Variants in CLASP2 observed in about 807,000 individuals in gnomAD.
CLASP2 encodes the protein cytoplasmic linker associated protein 2.
CLASP2 carries 47 observed loss-of-function variants against 194.4 expected under a neutral mutation model. The ratio of observed to expected loss-of-function variants is 0.24; its 90% confidence interval spans 0.19 to 0.31. CLASP2 has a LOEUF of 0.31. Ranked by LOEUF, CLASP2 falls within the 10% of genes least tolerant of loss-of-function variation. CLASP2 has a pLI of 1.00. For synonymous variants in CLASP2, 619 were observed against 633.5 expected (o/e 0.98, Z 0.34); for missense variants, 1,445 against 1,823.6 (o/e 0.79, Z 3.78).
At chr3:33,615,357 A>G (rs2075935413) in intron 12 of CLASP2, among the ~76,000 whole-genome samples, 1 of 150,792 alleles carries the variant, frequency 6.6e-6, no homozygotes. Context: ...ATTCTTGACA[A>G]TAAGGAACTT....
intron 8 of CLASP2, among the ~76,000 whole-genome samples, chr3:33,634,634 TAAC>T (rs536768882): frequency 5.5e-4 from 84 of 152,302 alleles, no homozygotes; most frequent in Admixed American, 1.2e-3. Context: ...TGACTACAGT[TAAC>T]AACAATGCAT....
intron 12 of CLASP2, 39 bp downstream of exon 12, chr3:33,619,564 G>T (rs748226728): frequency 6.7e-7 from 1 of 1,484,330 alleles, no homozygotes; most frequent in Non-Finnish European, 9.0e-7. Flanking sequence ...CAAAAGTGGG[G>T]GGAGGAGGCA....
intron 24 of CLASP2, chr3:33,574,620 G>C: frequency 1.9e-6 from 1 of 534,154 alleles, no homozygotes; most frequent in Non-Finnish European, 3.2e-6. Flanking sequence ...TTCACACATA[G>C]GTACAAAGAA....
At position 33,652,329 on chromosome 3, in the gene CLASP2, T is replaced by TA. The variant is rs560288659; in HGVS notation, c.716-7427dup. Among the ~76,000 whole-genome samples the TA allele has an allele frequency of 1.3e-3, 191 of 152,342 alleles. 1 individual carries two copies. Among genetic ancestry groups the TA allele is most frequent in the African/African-American group, 4.0e-3 (167 of 41,576 alleles). On this transcript the variant is annotated intron_variant, in intron 7 of 38. Transcript: ENST00000682230. The stretch of plus-strand genomic sequence containing the variant: ...GCATATCCAGCAGTGACTATGGTTA[T>TA]ATCTAACAGCTAAATTACAAACTGA...
At chr3:33,655,337 T>TA (rs1248724822) in intron 7 of CLASP2, among the ~76,000 whole-genome samples, 1 of 152,146 alleles carries the variant, frequency 6.6e-6, no homozygotes, top group Non-Finnish European at 1.5e-5. Flanking sequence ...TATTCAAAGG[T>TA]ACAGTATATT....
rs1260471098 is a variant in CLASP2 at position 33,622,215 on chromosome 3, T to C, written c.1101A>G (p.Leu367=). ...AAQYDCFFQH[L]RLLDGALKLS... is the part of the protein sequence containing the mutation. Reference sequence around the variant, plus strand: ...GTTTAAGTGCTCCATCCAACAATCGTAAATGTTGAAAAAAGCAATCATACT... The same window carrying C: ...GTTTAAGTGCTCCATCCAACAATCGCAAATGTTGAAAAAAGCAATCATACT... The change falls in exon 11 of 39, where the codon TTA becomes TTG. Residue 367 remains leucine (L), a synonymous_variant. Coordinates refer to ENST00000682230, the MANE Select transcript of CLASP2 (RefSeq NM_001365631.1). 1.2e-6 allele frequency: 2 copies of C among 1,603,832 alleles called. No homozygotes were observed. The highest frequency in any genetic ancestry group is 3.4e-5 in the Admixed American group (2 of 58,486).
intron 28 of CLASP2, among the ~76,000 whole-genome samples, chr3:33,559,678 C>T (rs982318140): frequency 3.9e-5 from 6 of 152,030 alleles, no homozygotes; most frequent in African/African-American, 1.4e-4. Flanking sequence ...GCGGATCACC[C>T]GAGGTCAGGA....
intron 35 of CLASP2, among the ~76,000 whole-genome samples, chr3:33,516,437 G>A (rs1313909499): frequency 1.3e-5 from 2 of 152,212 alleles, no homozygotes; most frequent in Admixed American, 6.5e-5. Context: ...GAAGGCTGAG[G>A]TGGGTGGATC....
rs1208644651 is a variant in CLASP2 at position 33,544,414 on chromosome 3, TGG to T, written c.3297+282_3297+283del. 3.3e-5 allele frequency among the ~76,000 whole-genome samples: 5 copies of T among 152,212 alleles called. No individual in the cohort carries two copies. In the East Asian group the frequency reaches 9.6e-4, roughly 29 times the overall value. ...TGTCCTGATTCTAATGGCTTCCAGC[TGG>T]TGCTCTCATCTATGTTTTGCTCACG... On this transcript the variant is annotated intron_variant, in intron 31 of 38. Transcript: ENST00000682230.
chr3:33,661,671 T>C (rs1289641282), intron 7 of CLASP2, among the ~76,000 whole-genome samples: 1 of 152,268 alleles, frequency 6.6e-6, no homozygotes, highest in East Asian at 1.9e-4. Flanking sequence ...AAATGCCTAT[T>C]AGGCAGCCAA....
chr3:33,507,194 C>T (rs1459368769), intron 37 of CLASP2, among the ~76,000 whole-genome samples: 1 of 152,198 alleles, frequency 6.6e-6, no homozygotes, highest in African/African-American at 2.4e-5. Context: ...GCCTCAGCTT[C>T]CCAGAGTGCT....
At chr3:33,504,524 G>A (rs2047618731) in intron 37 of CLASP2, 1 of 152,192 alleles carries the variant, frequency 6.6e-6, no homozygotes, top group African/African-American at 2.4e-5. Context: ...TAGCTAGGCT[G>A]CCTACAATTC....
chr3:33,595,039 C>T (rs553906506), intron 19 of CLASP2, 71 bp from the exon 20 acceptor site: 2 of 870,626 alleles, frequency 2.3e-6, no homozygotes, highest in Non-Finnish European at 3.3e-6. Flanking sequence ...ACCTCACAGT[C>T]CCCACCCAAC....
chr3:33,649,286 A>T (rs1486803362), intron 7 of CLASP2, among the ~76,000 whole-genome samples: 3 of 152,070 alleles, frequency 2.0e-5, no homozygotes, highest in African/African-American at 7.2e-5. Context: ...TGCCTGTGTT[A>T]TTTTTTCCTA....
In CLASP2 at chr3:33,568,995, T is replaced by C. The variant is rs771316155; in HGVS notation, c.2763+1732A>G. On this transcript the variant is annotated intron_variant, in intron 26 of 38. Transcript: ENST00000682230. ...GACAGAGTCTCTGATGGACAATCAATGGCCACACAAAAATCAGAAAATCTT... is the reference window on the plus strand; with the variant it reads ...GACAGAGTCTCTGATGGACAATCAACGGCCACACAAAAATCAGAAAATCTT... 2.3e-4 allele frequency among the ~76,000 whole-genome samples: 35 copies of C among 152,326 alleles called. No individual in the cohort carries two copies. In the South Asian group the frequency reaches 6.0e-3, roughly 26 times the overall value.
chr3:33,567,698 GATTAATA>G (rs1195217385), intron 26 of CLASP2, among the ~76,000 whole-genome samples: 1 of 152,190 alleles, frequency 6.6e-6, no homozygotes, highest in Non-Finnish European at 1.5e-5. Context: ...CTGTTTTACA[GATTAATA>G]ATTAATAATT....
intron 30 of CLASP2, among the ~76,000 whole-genome samples, chr3:33,547,631 A>G (rs2154153735): frequency 6.6e-6 from 1 of 152,258 alleles, no homozygotes; most frequent in East Asian, 1.9e-4. Flanking sequence ...TTTTGGTATC[A>G]GAATAAAACT....
In CLASP2 at chr3:33,689,948, G is replaced by A. The variant is rs761816556; in HGVS notation, c.275-16C>T. On this transcript the variant is annotated splice_polypyrimidine_tract_variant and intron_variant, in intron 2 of 38. Transcript: ENST00000682230. ...GCTACAATAACTAAAGAAGGGGAGG[G>A]AGTAAAAGAGTAATTACTTATAACT... 2 of 1,481,094 alleles carry A rather than the reference G, an allele frequency of 1.4e-6. No homozygotes were observed. The highest frequency in any genetic ancestry group is 1.4e-5 in the African/African-American group (1 of 71,192). 91.7% of individuals were successfully genotyped at this position (1,481,094 alleles called of 1,614,324 possible). A position where few individuals can be genotyped will look rare whatever the true frequency, so the allele number is the denominator to read the frequency against.
At chr3:33,530,590 T>C (rs148028320) in intron 34 of CLASP2, among the ~76,000 whole-genome samples, 29 of 152,374 alleles carry the variant, frequency 1.9e-4, no homozygotes, top group African/African-American at 6.7e-4. Context: ...CAGTGCAGGT[T>C]TGTTTACACC....
Sources: allele counts gnomAD v4.1 joint callset (sites outside exome capture counted in the v4.1 genomes callset), GRCh38; gene constraint gnomAD v4.1.1; transcripts MANE v1.5; gene names NCBI Gene and HGNC (gene_info 2026-07-23, HGNC 2026-07-21).